Variants in PRODH2 observed in about 807,000 individuals in gnomAD.
PRODH2 encodes proline dehydrogenase 2.
A neutral mutation model predicts 51.9 loss-of-function variants in PRODH2; 49 were observed. The observed-to-expected ratio is 0.94, with a 90% confidence interval of 0.75 to 1.20. The LOEUF (loss-of-function observed/expected upper bound fraction) is 1.20. Among genes scored for constraint, PRODH2 ranks in the 50% most tolerant of loss-of-function variants. PRODH2 has a pLI of 0.00. For missense variants in PRODH2, 597 were observed against 610.9 expected (o/e 0.98, Z 0.24); for synonymous variants, 249 against 260.7 (o/e 0.96, Z 0.43).
chr19:35,807,983 C>T (rs1351801643), intron 4 of PRODH2, among the ~76,000 whole-genome samples: 1 of 152,156 alleles, frequency 6.6e-6, no homozygotes. Flanking sequence ...CTATGTTGCC[C>T]AGGCTGGTCT....
Position 35,802,283 on chromosome 19 carries a change from A to C in PRODH2, c.1113-7T>G, listed in dbSNP as rs1483662063. 10 of 1,613,860 alleles carry C rather than the reference A, an allele frequency of 6.2e-6. No homozygotes were observed. Among genetic ancestry groups the C allele is most frequent in the Non-Finnish European group, 8.5e-6 (10 of 1,179,834 alleles). ...AATGCCCAGCTCCCACATGCTACAG[A>C]AAAGGCCACATCATCAGTCCAGACT... On this transcript the variant is annotated splice_polypyrimidine_tract_variant and splice_region_variant and intron_variant, in intron 8 of 9. Coordinates refer to ENST00000653904, the MANE Select transcript of PRODH2 (RefSeq NM_021232.2).
intron 9 of PRODH2, among the ~76,000 whole-genome samples, chr19:35,801,057 C>T (rs1224915423): frequency 6.6e-6 from 1 of 152,108 alleles, no homozygotes. Flanking sequence ...ATCCCGGCTA[C>T]TGGGGAGGCG....
chr19:35,800,342 A>G (rs1972401252), intron 9 of PRODH2, 120 bp from the exon 10 acceptor site: 2 of 902,646 alleles, frequency 2.2e-6, no homozygotes. Flanking sequence ...CTCTGCCTCC[A>G]GGTTCAAGCG....
At position 35,812,753 on chromosome 19, in the gene PRODH2, C is replaced by T; in HGVS notation, c.53G>A (p.Gly18Asp). 2 of 1,610,000 alleles carry T rather than the reference C, an allele frequency of 1.2e-6. No homozygotes were observed. Among genetic ancestry groups the T allele is most frequent in the Non-Finnish European group, 1.7e-6 (2 of 1,177,436 alleles). ...LCSQAGPPSR[G>D]WQSLSFDGGA... ...GCCATCAAAGCTCAGGGACTGCCAGCCCCTGGAGGGGGGACCAGCTTGGGA... is the reference window on the plus strand; with the variant it reads ...GCCATCAAAGCTCAGGGACTGCCAGTCCCTGGAGGGGGGACCAGCTTGGGA... Residue 18 changes from glycine (G) to aspartate (D), a missense_variant, in exon 1 of 10, where the codon GGC (glycine) becomes GAC (aspartate). Coordinates refer to ENST00000653904, the MANE Select transcript of PRODH2 (RefSeq NM_021232.2).
intron 7 of PRODH2, among the ~76,000 whole-genome samples, chr19:35,805,788 G>A (rs888750770): frequency 1.3e-5 from 2 of 152,206 alleles, no homozygotes; most frequent in Admixed American, 1.3e-4. Context: ...GATTCCAAGC[G>A]TGGCTAGGCC....
chr19:35,812,038 G>A lies in PRODH2; in HGVS notation c.521C>T (p.Ala174Val). The A allele has an allele frequency of 6.2e-7, 1 of 1,614,182 alleles. No individual in the cohort carries two copies. Among genetic ancestry groups the A allele is most frequent in the Non-Finnish European group, 8.5e-7 (1 of 1,180,026 alleles). ...LTSTRLCKEL[A>V]SWVRRPGASL... The stretch of plus-strand genomic sequence containing the variant: ...GGCTCCTGGCCTTCTGACCCACGAG[G>A]CTAGCTCCTTCTGAAATGGGGTGGT... The change falls in exon 4 of 10, where the codon GCC becomes GTC. Residue 174 changes from alanine to valine, a missense_variant. Coordinates refer to ENST00000653904, the MANE Select transcript of PRODH2 (RefSeq NM_021232.2).
At position 35,812,641 on chromosome 19, in the gene PRODH2, G is replaced by A. The variant is rs145370717; in HGVS notation, c.165C>T (p.His55=). The change falls in exon 1 of 10, where the codon CAC becomes CAT. Residue 55 remains histidine (H), a synonymous_variant. Coordinates refer to ENST00000653904, the MANE Select transcript of PRODH2 (RefSeq NM_021232.2). The part of the protein sequence containing the change: ...RLCAWPPLVT[H]GLLLQAWSRR... The stretch of plus-strand genomic sequence containing the variant: ...CAGGATCACTGCTCACCAACAGCCC[G>A]TGAGTGACGAGTGGGGGCCAGGCAC... The A allele has an allele frequency of 1.3e-5, 21 of 1,593,074 alleles. No homozygotes were observed. Among genetic ancestry groups the A allele is most frequent in the African/African-American group, 8.0e-5 (6 of 74,700 alleles).
rs1447855581 is a variant in PRODH2, at chr19:35,812,571, G to A, written c.175-15C>T. ...CAGGCCTGGAGCTGGGTGACAGGGA[G>A]CGAGGGCTCAGCGCCAGGCTATGAG... On this transcript the variant is annotated splice_polypyrimidine_tract_variant and intron_variant, in intron 1 of 9. Coordinates refer to ENST00000653904, the MANE Select transcript of PRODH2 (RefSeq NM_021232.2). 3 of 1,612,092 alleles carry A rather than the reference G, an allele frequency of 1.9e-6. No individual in the cohort carries two copies. The highest frequency in any genetic ancestry group is 2.5e-6 in the Non-Finnish European group (3 of 1,178,714).
chr19:35,802,555 G>GGGTTTGTT, intron 8 of PRODH2: 1 of 520,424 alleles, frequency 1.9e-6, no homozygotes, highest in African/African-American at 1.9e-5. Context: ...AGGGGTTAAT[G>GGGTTTGTT]TGTTTGTTTG....
chr19:35,801,278 A>C (rs1972422354), intron 9 of PRODH2, among the ~76,000 whole-genome samples: 1 of 151,670 alleles, frequency 6.6e-6, no homozygotes, highest in Admixed American at 6.6e-5. Flanking sequence ...CCAGCCTGGC[A>C]AACATGGTAA....
intron 7 of PRODH2, among the ~76,000 whole-genome samples, chr19:35,805,916 A>T (rs1441352834): frequency 6.6e-6 from 1 of 152,172 alleles, no homozygotes; most frequent in Non-Finnish European, 1.5e-5. Flanking sequence ...TGTCCCAGGC[A>T]GTGGAAACAG....
At position 35,806,694 on chromosome 19, in the gene PRODH2, G is replaced by T; in HGVS notation, c.815C>A (p.Thr272Asn). ...GCACACCTTTAGACAGGCCTGGTAG[G>T]TGTTCCACACCCAGGGCCCGCCTTC... ...PGEGGPWVWN[T>N]YQACLKDTFE... Residue 272 changes from threonine (T) to asparagine (N), a missense_variant, in exon 6 of 10, where the codon ACC (threonine) becomes AAC (asparagine). By Grantham distance (65) the Thr-to-Asn change is moderately conservative (BLOSUM62 0). Transcript: ENST00000653904. The T allele has an allele frequency of 6.2e-7, 1 of 1,614,182 alleles. No individual in the cohort carries two copies. The highest frequency in any genetic ancestry group is 8.5e-7 in the Non-Finnish European group (1 of 1,180,018).
intron 9 of PRODH2, 44 bp downstream of exon 9, chr19:35,802,147 G>T (rs568095979): frequency 1.3e-6 from 2 of 1,574,244 alleles, no homozygotes; most frequent in African/African-American, 1.4e-5. Context: ...CTGGGAGGGA[G>T]TAAGGCCTGG....
chr19:35,803,416 G>A lies in PRODH2; in HGVS notation c.1002-338C>T, dbSNP rs192173935. On this transcript the variant is annotated intron_variant, in intron 7 of 9. Transcript: ENST00000653904. The stretch of plus-strand genomic sequence containing the variant: ...ATTACAGGCGTGCACCATCACACCC[G>A]GCTAATTTTTGTATTTTTAGTAGAG... Among the ~76,000 whole-genome samples the A allele has an allele frequency of 2.3e-3, 351 of 152,124 alleles. 2 individuals are homozygous for A. The highest frequency in any genetic ancestry group is 7.8e-3 in the African/African-American group (325 of 41,506).
At chr19:35,810,536 T>G (rs1355693046) in intron 4 of PRODH2, among the ~76,000 whole-genome samples, 1 of 150,888 alleles carries the variant, frequency 6.6e-6, no homozygotes, top group African/African-American at 2.4e-5. Flanking sequence ...TTTTTTTTTT[T>G]TTTTGAGACG....
intron 7 of PRODH2, among the ~76,000 whole-genome samples, chr19:35,804,291 G>A (rs1433705255): frequency 9.9e-5 from 15 of 152,240 alleles, no homozygotes; most frequent in Admixed American, 6.5e-5. Flanking sequence ...GGGCTCAAGC[G>A]ATCCTCCCAC....
At chr19:35,800,344 G>T in intron 9 of PRODH2, 122 bp from the exon 10 acceptor site, 2 of 891,808 alleles carry the variant, frequency 2.2e-6, no homozygotes, top group Non-Finnish European at 3.2e-6. Flanking sequence ...CTGCCTCCAG[G>T]TTCAAGCGAT....
At chr19:35,802,512 C>T in intron 8 of PRODH2, 1 of 581,080 alleles carries the variant, frequency 1.7e-6, no homozygotes, top group Non-Finnish European at 3.1e-6. Context: ...ACGTCTTGTC[C>T]ATCTGGGACC....
At chr19:35,808,653 T>C (rs146194880) in intron 4 of PRODH2, among the ~76,000 whole-genome samples, 42 of 152,124 alleles carry the variant, frequency 2.8e-4, no homozygotes, top group African/African-American at 9.4e-4. Flanking sequence ...CCCCATTTTC[T>C]AGATGGGGAA....
Sources: gnomAD v4.1 joint callset for allele counts (sites outside exome capture counted in the v4.1 genomes callset) on GRCh38, gnomAD v4.1.1 for gene constraint, MANE v1.5 for transcripts, NCBI Gene and HGNC (gene_info 2026-07-23, HGNC 2026-07-21) for gene names.